FHL5: variants seen among roughly 807,000 people sequenced by gnomAD.
FHL5 encodes the protein four and a half LIM domains protein 5.
FHL5 carries 33 observed loss-of-function variants against 32.0 expected under a neutral mutation model. The ratio of observed to expected loss-of-function variants is 1.03; its 90% CI spans 0.78 to 1.38. The LOEUF (loss-of-function observed/expected upper bound fraction) is 1.38, where lower values mean the gene tolerates loss of function less well. Ranked by LOEUF, FHL5 falls within the 40% of genes most tolerant of loss-of-function variation. The probability of loss-of-function intolerance (pLI) is 0.00; values close to 1 mark genes in which losing one functional copy is unlikely to be tolerated. For missense variants in FHL5, 336 were observed against 343.9 expected (o/e 0.98, Z 0.18); for synonymous variants, 114 against 113.6 (o/e 1.00, Z -0.02).
At position 96,604,742 on chromosome 6, in the gene FHL5, T is replaced by C. The variant is rs758058298; in HGVS notation, c.160-8T>C. ...ACATTTAATTAACTTTTATTTACTG[T>C]CTCAAAGGATCTTTGTTACAAAGAC... On this transcript the variant is annotated splice_region_variant and splice_polypyrimidine_tract_variant and intron_variant, in intron 2 of 5. Transcript: ENST00000450218. The C allele has an allele frequency of 1.9e-5, 30 of 1,599,094 alleles. No individual in the cohort carries two copies. Among genetic ancestry groups the C allele is most frequent in the Non-Finnish European group, 2.4e-5 (28 of 1,173,510 alleles).
intron 1 of FHL5, among the ~76,000 whole-genome samples, chr6:96,588,207 A>C (rs1770840689): frequency 6.6e-6 from 1 of 151,998 alleles, no homozygotes; most frequent in Non-Finnish European, 1.5e-5. Context: ...AGTTCCTGTT[A>C]TTTCTTTCTT....
intron 1 of FHL5, among the ~76,000 whole-genome samples, chr6:96,567,825 C>CTTTTTTTTTTTTTTTTTTT (rs757441385): frequency 1.8e-5 from 2 of 110,516 alleles, no homozygotes; most frequent in African/African-American, 6.9e-5. Flanking sequence ...TTTTTGTATT[C>CTTTTTTTTTTTTTTTTTTT]TTTTTTTTTT....
intron 1 of FHL5, among the ~76,000 whole-genome samples, chr6:96,591,727 G>A (rs368791513): frequency 7.2e-5 from 11 of 151,860 alleles, no homozygotes; most frequent in Non-Finnish European, 1.2e-4. Flanking sequence ...GCCAGATATC[G>A]GGGGGAAATT....
chr6:96,602,771 C>T (rs901193050), intron 1 of FHL5, among the ~76,000 whole-genome samples: 1 of 152,124 alleles, frequency 6.6e-6, no homozygotes, highest in Non-Finnish European at 1.5e-5. Flanking sequence ...ATTATTTATG[C>T]TCTATACATG....
intron 1 of FHL5, among the ~76,000 whole-genome samples, chr6:96,568,021 T>G (rs770540416): frequency 2.6e-5 from 4 of 151,686 alleles, no homozygotes; most frequent in Non-Finnish European, 5.9e-5. Context: ...CTTCCAGTAC[T>G]CTTTTGAATA....
intron 1 of FHL5, among the ~76,000 whole-genome samples, chr6:96,591,726 C>T (rs376319535): frequency 7.9e-5 from 12 of 152,004 alleles, no homozygotes; most frequent in African/African-American, 2.9e-4. Context: ...AGCCAGATAT[C>T]GGGGGGAAAT....
intron 4 of FHL5, among the ~76,000 whole-genome samples, chr6:96,610,149 G>A (rs111341582): frequency 7.1e-4 from 108 of 152,172 alleles, no homozygotes; most frequent in African/African-American, 2.4e-3. Context: ...TAGCTCTAAC[G>A]GCAGATCTTT....
rs1168636713 is a variant in FHL5, at chr6:96,602,426, CTTTTTTTTTTTTTT to C, written c.-12-1151_-12-1138del. Among the ~76,000 whole-genome samples the C allele has an allele frequency of 6.8e-4, 23 of 33,698 alleles. 1 individual carries two copies. The highest frequency in any genetic ancestry group is 1.2e-3 in the East Asian group (1 of 824). The allele number at this position is 33,698 out of a possible 152,430, so 22.1% of individuals were successfully genotyped here. On this transcript the variant is annotated intron_variant, in intron 1 of 5. Transcript: ENST00000450218. Reference sequence around the variant, plus strand: ...ACCTGGAAATCTATATGCGTTGTTTCTTTTTTTTTTTTTTTTTTTTTTTTTTTTTTTTTTTTTTG... The same window carrying C: ...ACCTGGAAATCTATATGCGTTGTTTCTTTTTTTTTTTTTTTTTTTTTTTTG...
intron 1 of FHL5, among the ~76,000 whole-genome samples, chr6:96,594,326 C>T (rs1410401447): frequency 7.0e-6 from 1 of 142,876 alleles, no homozygotes; most frequent in African/African-American, 2.6e-5. Flanking sequence ...GCCTGCCAAA[C>T]ATTGGAACAA....
At chr6:96,601,259 G>A (rs1032069042) in intron 1 of FHL5, among the ~76,000 whole-genome samples, 9 of 151,556 alleles carry the variant, frequency 5.9e-5, no homozygotes, top group Middle Eastern at 3.4e-3. Flanking sequence ...GCTTGAACCC[G>A]GGAAGTAGAG....
At chr6:96,596,656 C>T (rs1199295439) in intron 1 of FHL5, among the ~76,000 whole-genome samples, 4 of 151,896 alleles carry the variant, frequency 2.6e-5, no homozygotes, top group Non-Finnish European at 5.9e-5. Flanking sequence ...TTGATGGTCT[C>T]ATTCAGTCTC....
At chr6:96,605,428 C>T (rs1181488573) in intron 3 of FHL5, among the ~76,000 whole-genome samples, 1 of 152,216 alleles carries the variant, frequency 6.6e-6, no homozygotes. Context: ...TCTCTATGGT[C>T]AGCAGCATAA....
chr6:96,564,382 G>A (rs1020565976), intron 1 of FHL5, among the ~76,000 whole-genome samples: 1 of 152,102 alleles, frequency 6.6e-6, no homozygotes. Flanking sequence ...ATTGCTTTAA[G>A]GGGAAGGTAA....
At chr6:96,594,741 C>T (rs958194927) in intron 1 of FHL5, among the ~76,000 whole-genome samples, 3 of 151,924 alleles carry the variant, frequency 2.0e-5, no homozygotes, top group African/African-American at 4.8e-5. Context: ...CTTTTTCCTA[C>T]GTACTTTCTA....
intron 1 of FHL5, among the ~76,000 whole-genome samples, chr6:96,581,244 T>C (rs933624925): frequency 6.6e-6 from 1 of 152,196 alleles, no homozygotes; most frequent in Non-Finnish European, 1.5e-5. Context: ...TAAGGATTTA[T>C]TTTTCTCATC....
In FHL5 at chr6:96,610,852, G is replaced by C. The variant is rs941722786; in HGVS notation, c.691+94G>C. The stretch of plus-strand genomic sequence containing the variant: ...ATTTAGGAAAAGCAATTAAAAAATG[G>C]GAAGCTTTCCTTTATATTTCCTTTT... On this transcript the variant is annotated intron_variant, in intron 5 of 5. Coordinates refer to ENST00000450218, the MANE Select transcript of FHL5 (RefSeq NM_001322466.2). The C allele has an allele frequency of 7.6e-5, 69 of 910,732 alleles. No homozygotes were observed. In the Admixed American group the frequency reaches 1.0e-3, roughly 13 times the overall value. The allele number at this position is 910,732 out of a possible 1,614,324, so 56.4% of individuals were successfully genotyped here. A position where few individuals can be genotyped will look rare whatever the true frequency, so the allele number is the denominator to read the frequency against.
chr6:96,586,839 G>A (rs2145535), intron 1 of FHL5, among the ~76,000 whole-genome samples: 23,805 of 152,164 alleles, frequency 0.16, 2,041 homozygotes, highest in Middle Eastern at 0.26. Context: ...GTGCCAAAAC[G>A]ATTGCACAGA....
Position 96,568,755 on chromosome 6 carries a change from CTGTTTA to C in FHL5, c.-13+5402_-13+5407del, listed in dbSNP as rs1770413824. 3.3e-5 allele frequency among the ~76,000 whole-genome samples: 5 copies of C among 151,812 alleles called. No individual in the cohort carries two copies. In the South Asian group the frequency reaches 6.2e-4, roughly 19 times the overall value. On this transcript the variant is annotated intron_variant, in intron 1 of 5. Coordinates refer to ENST00000450218, the MANE Select transcript of FHL5 (RefSeq NM_001322466.2). ...GTCTTCTAAAGTTTTTGGTATATAG[CTGTTTA>C]TAATAGTCTCTGATAATTTTTTGTA...
At chr6:96,599,321 T>C (rs1771102044) in intron 1 of FHL5, among the ~76,000 whole-genome samples, 1 of 150,376 alleles carries the variant, frequency 6.6e-6, no homozygotes, top group South Asian at 2.1e-4. Flanking sequence ...TCAGCCTCCC[T>C]CGTAGCTGAA....
Sources: allele counts gnomAD v4.1 joint callset (sites outside exome capture counted in the v4.1 genomes callset), GRCh38; gene constraint gnomAD v4.1.1; transcripts MANE v1.5; gene names NCBI Gene and HGNC (gene_info 2026-07-23, HGNC 2026-07-21).